Variants in FHIT observed in about 807,000 individuals in gnomAD.
The protein encoded by FHIT is fragile histidine triad diadenosine triphosphatase.
A neutral mutation model predicts 17.9 loss-of-function variants in FHIT; 19 were observed. That is an observed-to-expected ratio of 1.06 (90% CI 0.74 to 1.56). The LOEUF is 1.56. Among genes scored for constraint, FHIT ranks in the 40% most tolerant of loss-of-function variants. The probability of loss-of-function intolerance (pLI) is 0.00; values close to 1 mark genes in which losing one functional copy is unlikely to be tolerated. For synonymous variants in FHIT, 81 were observed against 69.7 expected (o/e 1.16, Z -0.81); for missense variants, 248 against 189.2 (o/e 1.31, Z -1.82).
chr3:60,590,205 CTG>C (rs1559562542), intron 4 of FHIT, among the ~76,000 whole-genome samples: 3 of 152,026 alleles, frequency 2.0e-5, no homozygotes, highest in Non-Finnish European at 4.4e-5. Context: ...GGGAGGAACT[CTG>C]TGGAACGCTT....
chr3:59,963,687 A>G (rs182208265), intron 7 of FHIT, among the ~76,000 whole-genome samples: 170 of 152,364 alleles, frequency 1.1e-3, no homozygotes, highest in African/African-American at 3.7e-3. Flanking sequence ...CTTGCTAAAG[A>G]TAATTCAGTG....
intron 4 of FHIT, among the ~76,000 whole-genome samples, chr3:60,547,248 G>C (rs766128820): frequency 2.0e-5 from 3 of 152,160 alleles, no homozygotes; most frequent in African/African-American, 4.8e-5. Flanking sequence ...CATCTTCAGG[G>C]AACTGCTTCT....
At chr3:60,548,381 T>G (rs1223937782) in intron 4 of FHIT, among the ~76,000 whole-genome samples, 1 of 152,084 alleles carries the variant, frequency 6.6e-6, no homozygotes, top group East Asian at 1.9e-4. Flanking sequence ...TTTCATCAAA[T>G]AGAGAACAAT....
intron 2 of FHIT, among the ~76,000 whole-genome samples, chr3:61,100,483 G>A (rs528636070): frequency 3.9e-5 from 6 of 152,178 alleles, no homozygotes; most frequent in Admixed American, 2.0e-4. Flanking sequence ...GGGTTGGTTC[G>A]AAGTCTTTGC....
chr3:59,755,251 T>G lies in FHIT; in HGVS notation c.349-2930A>C, dbSNP rs540390592. ...CCTACAAGGCTTGTCTTAGCAACAC[T>G]AACATGCGGATGCAGTTCAGCAGCC... On this transcript the variant is annotated intron_variant, in intron 8 of 9. Transcript: ENST00000492590. 8.1e-4 allele frequency among the ~76,000 whole-genome samples: 123 copies of G among 152,330 alleles called. 3 individuals are homozygous for G. In the South Asian group the frequency reaches 0.024, roughly 30 times the overall value.
intron 5 of FHIT, among the ~76,000 whole-genome samples, chr3:60,192,250 C>CAA (rs71089591): frequency 0.23 from 27,303 of 121,136 alleles, 3,259 homozygotes; most frequent in Middle Eastern, 0.33. Context: ...CACTATGTCT[C>CAA]AAAAAAAAAA....
rs1491373679 is a variant in FHIT, at chr3:60,130,932, T to TG, written c.104-116781_104-116780insC. On this transcript the variant is annotated intron_variant, in intron 5 of 9. Transcript: ENST00000492590. ...ACATATATGTATACATACATATATG[T>TG]TTATATATATACATATGTGACAATA... is the stretch of plus-strand genomic sequence containing the variant. 2.5e-3 allele frequency among the ~76,000 whole-genome samples: 339 copies of TG among 136,872 alleles called. 4 individuals carry two copies. Among genetic ancestry groups the TG allele is most frequent in the African/African-American group, 7.8e-3 (309 of 39,530 alleles). The allele number at this position is 136,872 out of a possible 152,430, so 89.8% of individuals were successfully genotyped here. A position where few individuals can be genotyped will look rare whatever the true frequency, so the allele number is the denominator to read the frequency against.
Position 60,625,194 on chromosome 3 carries a change from C to T in FHIT, c.-17-88215G>A, listed in dbSNP as rs115600388. ...AAAATGTTGGGATTACAGGCATGAA[C>T]GACCACGCCTGGCCTTGTTTCTAGT... On this transcript the variant is annotated intron_variant, in intron 4 of 9. Coordinates refer to ENST00000492590, the MANE Select transcript of FHIT (RefSeq NM_002012.4). 3.9e-4 allele frequency among the ~76,000 whole-genome samples: 60 copies of T among 152,324 alleles called. 1 individual carries two copies. Among genetic ancestry groups the T allele is most frequent in the South Asian group, 2.7e-3 (13 of 4,820 alleles).
At chr3:61,134,610 G>A (rs2036860387) in intron 2 of FHIT, among the ~76,000 whole-genome samples, 1 of 152,148 alleles carries the variant, frequency 6.6e-6, no homozygotes, top group Non-Finnish European at 1.5e-5. Context: ...AAATTTTAGG[G>A]TTGTCATGAG....
Position 60,004,352 on chromosome 3 carries a change from A to G in FHIT, c.279+7019T>C, listed in dbSNP as rs146209659. ...TAAACAGCCAAATATCCACTTTGCT[A>G]TATGTCAGGGCCTCTAATTACTGAG... On this transcript the variant is annotated intron_variant, in intron 7 of 9. Coordinates refer to ENST00000492590, the MANE Select transcript of FHIT (RefSeq NM_002012.4). Among the ~76,000 whole-genome samples, 15 of 152,274 alleles carry G rather than the reference A, an allele frequency of 9.9e-5. No homozygotes were observed. In the South Asian group the frequency reaches 1.4e-3, roughly 15 times the overall value.
intron 8 of FHIT, among the ~76,000 whole-genome samples, chr3:59,807,044 C>G (rs924191856): frequency 1.3e-5 from 2 of 152,138 alleles, no homozygotes; most frequent in South Asian, 2.1e-4. Context: ...TAGTATGGGA[C>G]TCTGGCTGTG....
intron 5 of FHIT, among the ~76,000 whole-genome samples, chr3:60,292,113 A>G (rs966467206): frequency 1.3e-5 from 2 of 152,120 alleles, no homozygotes; most frequent in African/African-American, 4.8e-5. Context: ...CTGTGGCGCC[A>G]ACCTTGCCAG....
intron 5 of FHIT, among the ~76,000 whole-genome samples, chr3:60,252,372 C>T (rs1291511220): frequency 6.6e-6 from 1 of 151,830 alleles, no homozygotes. Context: ...AGCGAAACCC[C>T]GTCTCTATAA....
chr3:59,754,088 T>C (rs561210093), intron 8 of FHIT, among the ~76,000 whole-genome samples: 5 of 152,296 alleles, frequency 3.3e-5, no homozygotes, highest in East Asian at 1.9e-4. Context: ...GCCTCTACCC[T>C]GGCAGCTTGC....
rs1033530316 is a variant in FHIT at position 60,183,997 on chromosome 3, CG to C, written c.104-169846del. Reference sequence around the variant, plus strand: ...TTATTATTTATATTAATTTATTTTTCGTTTTTTTTTTTGAGTCAGGGTCTTT... The same window carrying C: ...TTATTATTTATATTAATTTATTTTTCTTTTTTTTTTTGAGTCAGGGTCTTT... On this transcript the variant is annotated intron_variant, in intron 5 of 9. Transcript: ENST00000492590. Among the ~76,000 whole-genome samples, 9 of 56,430 alleles carry C rather than the reference CG, an allele frequency of 1.6e-4. No individual in the cohort carries two copies. In the East Asian group the frequency reaches 8.2e-3, roughly 51 times the overall value. 37.0% of individuals were successfully genotyped at this position (56,430 alleles called of 152,430 possible). A position where few individuals can be genotyped will look rare whatever the true frequency, so the allele number is the denominator to read the frequency against.
At chr3:60,020,863 T>C (rs879819656) in intron 5 of FHIT, among the ~76,000 whole-genome samples, 4 of 152,230 alleles carry the variant, frequency 2.6e-5, no homozygotes, top group Non-Finnish European at 5.9e-5. Context: ...AGTAATCTAT[T>C]CACAACGTAA....
Position 60,431,198 on chromosome 3 carries a change from A to G in FHIT, c.103+105662T>C, listed in dbSNP as rs186337703. Among the ~76,000 whole-genome samples the G allele has an allele frequency of 6.5e-3, 806 of 124,204 alleles. 9 individuals are homozygous for G. The highest frequency in any genetic ancestry group is 0.023 in the African/African-American group (775 of 33,610). The allele number at this position is 124,204 out of a possible 152,430, so 81.5% of individuals were successfully genotyped here. A position where few individuals can be genotyped will look rare whatever the true frequency, so the allele number is the denominator to read the frequency against. On this transcript the variant is annotated intron_variant, in intron 5 of 9. Transcript: ENST00000492590. ...TGCACTCTAGCCTGGATGACAAAGCAAGATTCCATCTCAAAAGAAAAAAAA... is the reference window on the plus strand; with the variant it reads ...TGCACTCTAGCCTGGATGACAAAGCGAGATTCCATCTCAAAAGAAAAAAAA...
intron 3 of FHIT, among the ~76,000 whole-genome samples, chr3:60,977,836 A>G (rs1054600031): frequency 2.0e-5 from 3 of 152,162 alleles, no homozygotes; most frequent in Non-Finnish European, 4.4e-5. Flanking sequence ...TCGCCATTGC[A>G]CTCCAGCCTG....
chr3:60,285,378 C>A (rs1241051503), intron 5 of FHIT, among the ~76,000 whole-genome samples: 2 of 152,094 alleles, frequency 1.3e-5, no homozygotes, highest in African/African-American at 4.8e-5. Context: ...AGTGGTCTGC[C>A]AGCCACCCAT....
Sources: allele counts gnomAD v4.1 joint callset (sites outside exome capture counted in the v4.1 genomes callset), GRCh38; gene constraint gnomAD v4.1.1; transcripts MANE v1.5; gene names NCBI Gene and HGNC (gene_info 2026-07-23, HGNC 2026-07-21).